Variants in ZNF462 observed in about 807,000 individuals in gnomAD.
The protein encoded by ZNF462 is zinc finger protein 462.
A neutral mutation model predicts 201.9 loss-of-function variants in ZNF462; 10 were observed. The ratio of observed to expected loss-of-function variants is 0.05; its 90% CI spans 0.03 to 0.08. The LOEUF (loss-of-function observed/expected upper bound fraction) is 0.08, where lower values mean the gene tolerates loss of function less well. ZNF462 is among the 10% of genes least tolerant of loss of function. The pLI, the probability that ZNF462 is intolerant of heterozygous loss-of-function variation, is 1.00. For synonymous variants in ZNF462, 1,227 were observed against 1,193.3 expected (o/e 1.03, Z -0.58); for missense variants, 2,523 against 3,168.3 (o/e 0.80, Z 4.89).
At position 106,957,233 on chromosome 9, in the gene ZNF462, A is replaced by G. The variant is rs188906429; in HGVS notation, c.6428-14772A>G. ...AGGGTTAGTCATTGGCCTAATTTCA[A>G]TATTGTCGTGGCTCAGGGAATAGGG... On this transcript the variant is annotated intron_variant, in intron 7 of 12. Coordinates refer to ENST00000277225, the MANE Select transcript of ZNF462 (RefSeq NM_021224.6). Among the ~76,000 whole-genome samples the G allele has an allele frequency of 2.6e-3, 403 of 152,178 alleles. 3 individuals are homozygous for G. Among genetic ancestry groups the G allele is most frequent in the African/African-American group, 9.4e-3 (391 of 41,536 alleles).
chr9:106,940,218 T>TA (rs1333998824), intron 7 of ZNF462, among the ~76,000 whole-genome samples: 1 of 152,226 alleles, frequency 6.6e-6, no homozygotes, highest in East Asian at 1.9e-4. Flanking sequence ...TGAGAAAAGA[T>TA]ACGCACCTGT....
chr9:107,000,030 C>T (rs889503089), intron 10 of ZNF462, among the ~76,000 whole-genome samples: 3 of 151,874 alleles, frequency 2.0e-5, no homozygotes, highest in Non-Finnish European at 4.4e-5. Flanking sequence ...ACAAGGATAT[C>T]GAACACAGGA....
chr9:106,921,814 T>C (rs1369506687), intron 1 of ZNF462, among the ~76,000 whole-genome samples: 2 of 152,326 alleles, frequency 1.3e-5, no homozygotes, highest in Middle Eastern at 3.4e-3. Flanking sequence ...AGCAACCTCT[T>C]CCACACAATT....
At position 107,006,616 on chromosome 9, in the gene ZNF462, A is replaced by G. The variant is rs961021384; in HGVS notation, c.7190-2929A>G. ...CTGTCTGCAAACATTAAGGAAGCCT[A>G]TTGGTGGGCTACTTCCCTCCAAGGT... is the stretch of plus-strand genomic sequence containing the variant. On this transcript the variant is annotated intron_variant, in intron 11 of 12. Transcript: ENST00000277225. This position sits in a 1 kb window ranked among gnomAD's most constrained non-coding sequence, Gnocchi z 4.3. 3.9e-5 allele frequency among the ~76,000 whole-genome samples: 6 copies of G among 152,028 alleles called. No individual in the cohort carries two copies. The highest frequency in any genetic ancestry group is 1.2e-4 in the African/African-American group (5 of 41,394).
rs1244753033 is a variant in ZNF462 at position 106,895,546 on chromosome 9, G to A, written c.-30-27808G>A. Among the ~76,000 whole-genome samples, 1 of 152,160 alleles carries A rather than the reference G, an allele frequency of 6.6e-6. No individual in the cohort carries two copies. The highest frequency in any genetic ancestry group is 1.9e-4 in the East Asian group (1 of 5,196). On this transcript the variant is annotated intron_variant, in intron 1 of 12. Transcript: ENST00000277225. The surrounding 1 kb of genome is among the most constrained non-coding windows in gnomAD (Gnocchi z 4.4). ...AGCTTTCGTTATATCACATTGCCCTGATTAAGGATGATAAGAGATCCCTGT... is the reference window on the plus strand; with the variant it reads ...AGCTTTCGTTATATCACATTGCCCTAATTAAGGATGATAAGAGATCCCTGT...
rs375646673 is a variant in ZNF462, at chr9:106,925,346, T to G, written c.1434T>G (p.Thr478=). 3 of 1,614,118 alleles carry G rather than the reference T, an allele frequency of 1.9e-6. No individual in the cohort carries two copies. Among genetic ancestry groups the G allele is most frequent in the Non-Finnish European group, 1.7e-6 (2 of 1,180,052 alleles). ...AVYKCDECPF[T]CKSSLKLGAH... is the part of the protein sequence containing the mutation. Reference sequence around the variant, plus strand: ...ACAAATGTGACGAATGTCCGTTTACTTGCAAGAGCTCGTTGAAACTTGGGG... The same window carrying G: ...ACAAATGTGACGAATGTCCGTTTACGTGCAAGAGCTCGTTGAAACTTGGGG... Residue 478 remains threonine, a synonymous_variant, in exon 3 of 13, where the codon ACT becomes ACG. Coordinates refer to ENST00000277225, the MANE Select transcript of ZNF462 (RefSeq NM_021224.6). This position sits in a 1 kb window ranked among gnomAD's most constrained non-coding sequence, Gnocchi z 7.9.
In ZNF462 at chr9:106,865,484, A is replaced by G. The variant is rs1202983404; in HGVS notation, c.-31+2129A>G. 6.6e-6 allele frequency among the ~76,000 whole-genome samples: 1 copy of G among 152,228 alleles called. No individual in the cohort carries two copies. On this transcript the variant is annotated intron_variant, in intron 1 of 12. Coordinates refer to ENST00000277225, the MANE Select transcript of ZNF462 (RefSeq NM_021224.6). The surrounding 1 kb of genome is among the most constrained non-coding windows in gnomAD (Gnocchi z 4.1). ...TTGATTTCTGCAAATATAAAAAATA[A>G]TAAGAATAATCCTGCAAGATCTCAG...
At position 106,906,243 on chromosome 9, in the gene ZNF462, G is replaced by C. The variant is rs150912183; in HGVS notation, c.-30-17111G>C. 5.9e-5 allele frequency among the ~76,000 whole-genome samples: 9 copies of C among 152,346 alleles called. No individual in the cohort carries two copies. The East Asian group carries it at 1.7e-3, about 29-fold the overall frequency. ...AGCTGGGGCACTCACAGTATTTGCA[G>C]TGTCTCCTGGGTCCTGCAGGAGCAG... On this transcript the variant is annotated intron_variant, in intron 1 of 12. Transcript: ENST00000277225.
intron 1 of ZNF462, among the ~76,000 whole-genome samples, chr9:106,915,411 G>A (rs926684297): frequency 1.6e-4 from 24 of 152,156 alleles, no homozygotes; most frequent in African/African-American, 5.8e-4. Flanking sequence ...CAGTTCTTGG[G>A]ATGTAAGAAG....
At chr9:106,922,296 A>G (rs768172847) in intron 1 of ZNF462, among the ~76,000 whole-genome samples, 3 of 152,204 alleles carry the variant, frequency 2.0e-5, no homozygotes, top group Non-Finnish European at 2.9e-5. Context: ...ATACATTAAG[A>G]TAGGAAGGAC....
chr9:106,960,150 A>C (rs1831764356), intron 7 of ZNF462, among the ~76,000 whole-genome samples: 2 of 152,034 alleles, frequency 1.3e-5, no homozygotes, highest in African/African-American at 2.4e-5. Flanking sequence ...AGCCTTTCTC[A>C]CCTGATTTCC....
chr9:106,990,540 T>C lies in ZNF462; in HGVS notation c.7056+6131T>C, dbSNP rs182691020. On this transcript the variant is annotated intron_variant, in intron 10 of 12. Transcript: ENST00000277225. ...GTATTGAAGTCCCCCACTATTATTG[T>C]ATTGCTGTCTGTCTCATTTCTTAGT... 3.7e-4 allele frequency among the ~76,000 whole-genome samples: 56 copies of C among 152,234 alleles called. 1 individual carries two copies. The highest frequency in any genetic ancestry group is 3.4e-3 in the Middle Eastern group (1 of 294).
At chr9:106,881,269 C>T (rs1411573129) in intron 1 of ZNF462, among the ~76,000 whole-genome samples, 1 of 152,098 alleles carries the variant, frequency 6.6e-6, no homozygotes, top group Non-Finnish European at 1.5e-5. Context: ...GAGGGAGGAG[C>T]ACTTGATTCT....
chr9:106,894,864 A>T (rs1335409789), intron 1 of ZNF462, among the ~76,000 whole-genome samples: 1 of 152,242 alleles, frequency 6.6e-6, no homozygotes, highest in African/African-American at 2.4e-5. Flanking sequence ...ATTGATAAAT[A>T]TAAAAATATT....
rs1288667422 is a variant in ZNF462, at chr9:106,963,985, C to CT, written c.6428-8014dup. ...CTTTAGCATATAACAAGATTTCCTT[C>CT]TTTTTTAAGGCTAAATAATATTCGT... On this transcript the variant is annotated intron_variant, in intron 7 of 12. Coordinates refer to ENST00000277225, the MANE Select transcript of ZNF462 (RefSeq NM_021224.6). The surrounding 1 kb of genome is among the most constrained non-coding windows in gnomAD (Gnocchi z 4.7). 1.3e-5 allele frequency among the ~76,000 whole-genome samples: 2 copies of CT among 149,722 alleles called. No homozygotes were observed. The highest frequency in any genetic ancestry group is 3.0e-5 in the Non-Finnish European group (2 of 67,606).
intron 6 of ZNF462, among the ~76,000 whole-genome samples, chr9:106,936,517 C>G (rs1002362322): frequency 5.9e-5 from 9 of 152,156 alleles, no homozygotes; most frequent in Admixed American, 4.6e-4. Flanking sequence ...AGTAAGATTA[C>G]CCAGGTCTCC....
intron 1 of ZNF462, among the ~76,000 whole-genome samples, chr9:106,864,082 C>CTCTCTG (rs1827198943): frequency 7.2e-6 from 1 of 138,320 alleles, no homozygotes; most frequent in Non-Finnish European, 1.6e-5. Flanking sequence ...CTCTCTCTCT[C>CTCTCTG]TCTCTCTCTC....
chr9:106,893,308 A>G (rs754257244), intron 1 of ZNF462, among the ~76,000 whole-genome samples: 10 of 152,158 alleles, frequency 6.6e-5, no homozygotes, highest in Non-Finnish European at 1.0e-4. Flanking sequence ...CCCACAAATG[A>G]CAAATGCTTT....
At chr9:106,952,589 G>A (rs10978680) in intron 7 of ZNF462, among the ~76,000 whole-genome samples, 13,812 of 152,116 alleles carry the variant, frequency 0.091, 2,015 homozygotes, top group African/African-American at 0.31. Context: ...TTCAGGGCTT[G>A]GTTGGAACCA....
Sources: allele counts gnomAD v4.1 joint callset (sites outside exome capture counted in the v4.1 genomes callset), GRCh38; gene constraint gnomAD v4.1.1; non-coding constraint Gnocchi (gnomAD v3.1); transcripts MANE v1.5; gene names NCBI Gene and HGNC (gene_info 2026-07-23, HGNC 2026-07-21).